Variants in CMIP observed in about 807,000 individuals in gnomAD.
CMIP encodes the protein c-Maf inducing protein.
CMIP carries 13 observed loss-of-function variants against 97.3 expected under a neutral mutation model. That is an observed-to-expected ratio of 0.13 (90% confidence interval 0.09 to 0.21). The LOEUF is 0.21. Ranked by LOEUF, CMIP falls within the 10% of genes least tolerant of loss-of-function variation. CMIP has a pLI of 1.00. For missense variants in CMIP, 847 were observed against 1,024.9 expected, an observed-to-expected ratio of 0.83 and a Z score of 2.37; for synonymous variants, 538 against 436.3, an observed-to-expected ratio of 1.23 and a Z score of -2.91.
chr16:81,528,979 C>G (rs942190752), intron 1 of CMIP, among the ~76,000 whole-genome samples: 2 of 152,116 alleles, frequency 1.3e-5, no homozygotes, highest in Non-Finnish European at 2.9e-5. Flanking sequence ...ATCCCTCCAT[C>G]TATCCGCCCA....
chr16:81,483,102 G>A (rs2089256425), intron 1 of CMIP, among the ~76,000 whole-genome samples: 1 of 152,252 alleles, frequency 6.6e-6, no homozygotes, highest in Admixed American at 6.5e-5. Context: ...TCAGACGAGG[G>A]AGGACAGAAG....
In CMIP at chr16:81,478,968, A is replaced by G. The variant is rs536298284; in HGVS notation, c.300+33427A>G. ...ACCCGTCCTCACCCGAAGCAGGGTG[A>G]GAGGACAGCACCTGCCACCTTTAAG... On this transcript the variant is annotated intron_variant, in intron 1 of 20. Coordinates refer to ENST00000537098, the MANE Select transcript of CMIP (RefSeq NM_198390.3). Among the ~76,000 whole-genome samples the G allele has an allele frequency of 5.3e-5, 8 of 152,280 alleles. 1 individual carries two copies. The South Asian group carries it at 1.5e-3, about 28-fold the overall frequency.
chr16:81,629,537 C>G (rs1361973121), intron 3 of CMIP, among the ~76,000 whole-genome samples: 2 of 152,252 alleles, frequency 1.3e-5, no homozygotes, highest in Non-Finnish European at 2.9e-5. Context: ...CTAACCCCGT[C>G]TTGGCCACCT....
chr16:81,647,901 G>A (rs1597191711), intron 3 of CMIP, among the ~76,000 whole-genome samples: 1 of 141,516 alleles, frequency 7.1e-6, no homozygotes, highest in East Asian at 2.4e-4. Flanking sequence ...CCACAACGCC[G>A]TAGCCCACCC....
chr16:81,639,126 T>G (rs1447539119), intron 3 of CMIP, among the ~76,000 whole-genome samples: 1 of 152,214 alleles, frequency 6.6e-6, no homozygotes, highest in Admixed American at 6.5e-5. Context: ...TCCTGGTTCC[T>G]ACAGGGCCGG....
intron 10 of CMIP, among the ~76,000 whole-genome samples, chr16:81,681,139 C>A (rs1904835097): frequency 6.6e-6 from 1 of 152,212 alleles, no homozygotes; most frequent in Non-Finnish European, 1.5e-5. Context: ...GCAGGTCACG[C>A]CTATCCCCAA....
chr16:81,697,056 G>A (rs1189822745), intron 14 of CMIP: 2 of 232,538 alleles, frequency 8.6e-6, no homozygotes, highest in Non-Finnish European at 1.7e-5. Flanking sequence ...CAGGGATTCT[G>A]GAAGGCACTG....
At chr16:81,592,399 G>T (rs891667865) in intron 1 of CMIP, among the ~76,000 whole-genome samples, 2 of 152,126 alleles carry the variant, frequency 1.3e-5, no homozygotes, top group African/African-American at 4.8e-5. Context: ...GAGAATGCCT[G>T]GCGCTCCCCT....
intron 3 of CMIP, chr16:81,645,504 AGGAG>A: frequency 6.5e-7 from 1 of 1,535,684 alleles, no homozygotes. Context: ...TCTCCCGTGG[AGGAG>A]CAACAGGCTC....
chr16:81,568,304 T>G (rs1272160042), intron 1 of CMIP, among the ~76,000 whole-genome samples: 1 of 152,150 alleles, frequency 6.6e-6, no homozygotes. Flanking sequence ...CCTCTAACTT[T>G]CACCTCTTTC....
At chr16:81,520,142 C>G (rs1015372253) in intron 1 of CMIP, 2 of 152,214 alleles carry the variant, frequency 1.3e-5, no homozygotes, top group Non-Finnish European at 2.9e-5. Flanking sequence ...TTCAGCTGCC[C>G]AGGTAGTCAA....
At chr16:81,457,441 A>G (rs180693953) in intron 1 of CMIP, among the ~76,000 whole-genome samples, 2 of 152,260 alleles carry the variant, frequency 1.3e-5, no homozygotes, top group East Asian at 3.9e-4. Context: ...TGTGGGGTGG[A>G]GCCATCTACC....
intron 5 of CMIP, 120 bp from the exon 6 acceptor site, chr16:81,660,764 A>T: frequency 2.0e-6 from 2 of 1,025,576 alleles, no homozygotes; most frequent in Non-Finnish European, 3.1e-6. Flanking sequence ...GAATGATGTG[A>T]TGCAGGATGT....
chr16:81,690,359 G>A (rs1296067277), intron 10 of CMIP, among the ~76,000 whole-genome samples: 2 of 152,176 alleles, frequency 1.3e-5, no homozygotes, highest in Non-Finnish European at 2.9e-5. Flanking sequence ...TCTCCTTGAA[G>A]AGGTCCTTCA....
At chr16:81,640,609 C>T (rs946321739) in intron 3 of CMIP, among the ~76,000 whole-genome samples, 5 of 152,144 alleles carry the variant, frequency 3.3e-5, no homozygotes, top group African/African-American at 1.2e-4. Context: ...GTCAGCAGGG[C>T]CACATTGCTT....
intron 1 of CMIP, among the ~76,000 whole-genome samples, chr16:81,495,784 C>A (rs960252161): frequency 1.5e-4 from 23 of 152,352 alleles, no homozygotes; most frequent in Admixed American, 1.2e-3. Context: ...CATGGCCACT[C>A]ACTCTCCTGG....
At chr16:81,597,152 G>T (rs2091570912) in intron 1 of CMIP, among the ~76,000 whole-genome samples, 1 of 152,174 alleles carries the variant, frequency 6.6e-6, no homozygotes, top group Non-Finnish European at 1.5e-5. Flanking sequence ...GCCTTTCTGT[G>T]GAGGAAGGGG....
chr16:81,482,991 A>G (rs1404212647), intron 1 of CMIP, among the ~76,000 whole-genome samples: 2 of 152,250 alleles, frequency 1.3e-5, no homozygotes, highest in Non-Finnish European at 2.9e-5. Context: ...AGCAGGCATC[A>G]TCCTGGCCTA....
intron 1 of CMIP, among the ~76,000 whole-genome samples, chr16:81,558,372 A>G (rs1481980581): frequency 6.6e-6 from 1 of 152,138 alleles, no homozygotes; most frequent in Non-Finnish European, 1.5e-5. Flanking sequence ...CAAGCTTCCC[A>G]TTCTTTTGGG....
Sources: allele counts gnomAD v4.1 joint callset (sites outside exome capture counted in the v4.1 genomes callset), GRCh38; gene constraint gnomAD v4.1.1; transcripts MANE v1.5; gene names NCBI Gene and HGNC (gene_info 2026-07-23, HGNC 2026-07-21).